Variants in ITM2B observed in about 807,000 individuals in gnomAD.
ITM2B encodes ABri/ADan amyloid peptide.
A neutral mutation model predicts 27.8 loss-of-function variants in ITM2B; 11 were observed. The ratio of observed to expected loss-of-function variants is 0.40; its 90% confidence interval spans 0.25 to 0.66. ITM2B has a LOEUF of 0.66. Among genes scored for constraint, ITM2B ranks in the 30% least tolerant of loss-of-function variants. The pLI, the probability that ITM2B is intolerant of heterozygous loss-of-function variation, is 0.43. For synonymous variants in ITM2B, 114 were observed against 114.3 expected (o/e 1.00, Z 0.02); for missense variants, 296 against 328.9 (o/e 0.90, Z 0.77).
chr13:48,240,873 T>G (rs1329628598), intron 1 of ITM2B, among the ~76,000 whole-genome samples: 1 of 152,252 alleles, frequency 6.6e-6, no homozygotes, highest in Non-Finnish European at 1.5e-5. Context: ...CCAATCAAGC[T>G]GAACATTGTT....
chr13:48,260,600 A>C (rs549717355), intron 5 of ITM2B, among the ~76,000 whole-genome samples: 1 of 151,462 alleles, frequency 6.6e-6, no homozygotes, highest in East Asian at 1.9e-4. Context: ...TCCTATTTAT[A>C]AGTGAGAGCA....
At chr13:48,256,895 G>A (rs1021103667) in intron 3 of ITM2B, among the ~76,000 whole-genome samples, 6 of 151,960 alleles carry the variant, frequency 3.9e-5, no homozygotes, top group Non-Finnish European at 8.8e-5. Context: ...TATCTCTCAA[G>A]AATGAGTTGT....
rs1363483012 is a variant in ITM2B at position 48,265,311 on chromosome 13, A to G, written c.*4087A>G. On this transcript the variant is annotated 3_prime_UTR_variant, in exon 6 of 6. Transcript: ENST00000647800. ...CTAGTTCTTGCCCTAGTGACTAAGC[A>G]GATGCAAACGCCTTCTTCTTTCCAA... 6.6e-6 allele frequency: 1 copy of G among 152,314 alleles called. No individual in the cohort carries two copies. Among genetic ancestry groups the G allele is most frequent in the East Asian group, 1.9e-4 (1 of 5,184 alleles). The allele number at this position is 152,314 out of a possible 1,614,324, so 9.4% of individuals were successfully genotyped here.
At chr13:48,253,966 A>ATTT (rs201823693) in intron 2 of ITM2B, 30 bp downstream of exon 2, 221 of 1,457,744 alleles carry the variant, frequency 1.5e-4, no homozygotes, top group African/African-American at 8.0e-4. Context: ...TGTGTCTCTG[A>ATTT]TTTTTTTTTT....
rs1951872339 is a variant in ITM2B at position 48,269,517 on chromosome 13, A to G, written c.*8293A>G. 2 of 152,216 alleles carry G rather than the reference A, an allele frequency of 1.3e-5. No individual in the cohort carries two copies. The highest frequency in any genetic ancestry group is 2.4e-5 in the African/African-American group (1 of 41,408). 9.4% of individuals were successfully genotyped at this position (152,216 alleles called of 1,614,324 possible). A position where few individuals can be genotyped will look rare whatever the true frequency, so the allele number is the denominator to read the frequency against. On this transcript the variant is annotated 3_prime_UTR_variant, in exon 6 of 6. Coordinates refer to ENST00000647800, the MANE Select transcript of ITM2B (RefSeq NM_021999.5). ...TACCTGTAGGTAATCTAGGCCTCCA[A>G]AGCTCTTCTTACATCACCTCCTGTA... is the stretch of plus-strand genomic sequence containing the variant.
At chr13:48,251,789 C>G (rs1333348880) in intron 1 of ITM2B, among the ~76,000 whole-genome samples, 2 of 152,134 alleles carry the variant, frequency 1.3e-5, no homozygotes, top group Non-Finnish European at 1.5e-5. Flanking sequence ...TCTCCTTCCA[C>G]TCTAAAATTA....
At chr13:48,235,251 C>T (rs1000205858) in intron 1 of ITM2B, among the ~76,000 whole-genome samples, 20 of 152,310 alleles carry the variant, frequency 1.3e-4, no homozygotes, top group African/African-American at 3.8e-4. Context: ...GCCAGATTCT[C>T]AAAATTGCTC....
intron 1 of ITM2B, among the ~76,000 whole-genome samples, chr13:48,235,320 T>A (rs548593357): frequency 6.6e-6 from 1 of 152,336 alleles, no homozygotes; most frequent in Non-Finnish European, 1.5e-5. Context: ...CATTGGTAGC[T>A]CCGTGCTTTG....
In ITM2B at chr13:48,269,769, C is replaced by A. The variant is rs1459503495; in HGVS notation, c.*8545C>A. 6.6e-6 allele frequency: 1 copy of A among 152,268 alleles called. No individual in the cohort carries two copies. Among genetic ancestry groups the A allele is most frequent in the African/African-American group, 2.4e-5 (1 of 41,442 alleles). The allele number at this position is 152,268 out of a possible 1,614,324, so 9.4% of individuals were successfully genotyped here. On this transcript the variant is annotated 3_prime_UTR_variant, in exon 6 of 6. Coordinates refer to ENST00000647800, the MANE Select transcript of ITM2B (RefSeq NM_021999.5). ...CCTGATCACCTTTTCTAAAGTGAGT[C>A]TCACCTCCACCCTCAATGCTGGCAA... is the stretch of plus-strand genomic sequence containing the variant.
chr13:48,248,376 T>C lies in ITM2B; in HGVS notation c.118-5432T>C, dbSNP rs552871593. Among the ~76,000 whole-genome samples the C allele has an allele frequency of 3.7e-4, 56 of 152,226 alleles. 1 individual carries two copies. The South Asian group carries it at 6.9e-3, about 19-fold the overall frequency. The stretch of plus-strand genomic sequence containing the variant: ...GTCTGGAACTCCTGGGCTTGAGCAG[T>C]CCTCCTGCCTCTGCCTCCCAAAGTG... On this transcript the variant is annotated intron_variant, in intron 1 of 5. Transcript: ENST00000647800.
intron 3 of ITM2B, 23 bp downstream of exon 3, chr13:48,256,406 T>C (rs1951789233): frequency 6.5e-7 from 1 of 1,531,492 alleles, no homozygotes. Flanking sequence ...TCCAGAATTG[T>C]AGAAAGAATG....
At chr13:48,256,145 A>G (rs1290958083) in intron 2 of ITM2B, 32 bp from the exon 3 acceptor site, 1 of 1,495,258 alleles carries the variant, frequency 6.7e-7, no homozygotes, top group South Asian at 1.1e-5. Flanking sequence ...CTCATGCTGA[A>G]TTGCTGAAAT....
Position 48,270,295 on chromosome 13 carries a change from T to C in ITM2B, c.*9071T>C, listed in dbSNP as rs1163712369. 1 of 152,212 alleles carries C rather than the reference T, an allele frequency of 6.6e-6. No homozygotes were observed. Among genetic ancestry groups the C allele is most frequent in the African/African-American group, 2.4e-5 (1 of 41,456 alleles). 9.4% of individuals were successfully genotyped at this position (152,212 alleles called of 1,614,324 possible). On this transcript the variant is annotated 3_prime_UTR_variant, in exon 6 of 6. Transcript: ENST00000647800. ...CTATAGTACTTATCACCATCTGACA[T>C]GTATTTATGTTTGTATTTGTTTATT...
At chr13:48,257,656 T>C (rs963384552) in intron 3 of ITM2B, among the ~76,000 whole-genome samples, 14 of 152,222 alleles carry the variant, frequency 9.2e-5, no homozygotes, top group African/African-American at 3.4e-4. Flanking sequence ...AAAACCGTTC[T>C]ATGAGACAGT....
intron 1 of ITM2B, among the ~76,000 whole-genome samples, chr13:48,233,940 C>T (rs1370283974): frequency 3.3e-5 from 5 of 152,170 alleles, no homozygotes; most frequent in African/African-American, 9.7e-5. Flanking sequence ...GCTTGAACAG[C>T]ACTTGGACTA....
chr13:48,253,828 A>C lies in ITM2B; in HGVS notation c.138A>C (p.Pro46=). ...VDCKDPDDVV[P]VGQRRAWCWC... is the part of the protein sequence containing the mutation. Reference sequence around the variant, plus strand: ...TTTAGGACCCAGATGATGTGGTACCAGTTGGCCAAAGAAGAGCCTGGTGTT... The same window carrying C: ...TTTAGGACCCAGATGATGTGGTACCCGTTGGCCAAAGAAGAGCCTGGTGTT... Residue 46 remains proline, a synonymous_variant, in exon 2 of 6, where the codon CCA becomes CCC. Transcript: ENST00000647800. The C allele has an allele frequency of 6.2e-7, 1 of 1,613,934 alleles. No individual in the cohort carries two copies. Among genetic ancestry groups the C allele is most frequent in the Non-Finnish European group, 8.5e-7 (1 of 1,179,792 alleles).
Position 48,256,301 on chromosome 13 carries a change from A to G in ITM2B, c.371A>G (p.Glu124Gly), listed in dbSNP as rs370484810. 8 of 1,613,860 alleles carry G rather than the reference A, an allele frequency of 5.0e-6. No homozygotes were observed. The highest frequency in any genetic ancestry group is 5.9e-6 in the Non-Finnish European group (7 of 1,179,872). ...TIEENIKIFEEEEVEFISVPV... is the reference protein window; with the variant it reads ...TIEENIKIFEGEEVEFISVPV... ...GAAGAAAATATTAAAATCTTTGAAGAAGAAGAAGTTGAATTTATCAGTGTG... is the reference window on the plus strand; with the variant it reads ...GAAGAAAATATTAAAATCTTTGAAGGAGAAGAAGTTGAATTTATCAGTGTG... Residue 124 changes from glutamate to glycine, a missense_variant, in exon 3 of 6, where the codon GAA (glutamate) becomes GGA (glycine). By Grantham distance (98) the Glu-to-Gly change is moderately conservative (BLOSUM62 -2). Coordinates refer to ENST00000647800, the MANE Select transcript of ITM2B (RefSeq NM_021999.5).
At chr13:48,234,937 C>T (rs1175988819) in intron 1 of ITM2B, among the ~76,000 whole-genome samples, 1 of 152,144 alleles carries the variant, frequency 6.6e-6, no homozygotes, top group Non-Finnish European at 1.5e-5. Flanking sequence ...ATCTAACATT[C>T]GTTGTACCTA....
chr13:48,261,406 G>T lies in ITM2B; in HGVS notation c.*182G>T. 1 of 538,206 alleles carries T rather than the reference G, an allele frequency of 1.9e-6. No homozygotes were observed. Among genetic ancestry groups the T allele is most frequent in the South Asian group, 2.5e-5 (1 of 39,582 alleles). 33.3% of individuals were successfully genotyped at this position (538,206 alleles called of 1,614,324 possible). A position where few individuals can be genotyped will look rare whatever the true frequency, so the allele number is the denominator to read the frequency against. On this transcript the variant is annotated 3_prime_UTR_variant, in exon 6 of 6. Coordinates refer to ENST00000647800, the MANE Select transcript of ITM2B (RefSeq NM_021999.5). ...CCTTAAAATTTTTTTCTTTCGAAGT[G>T]TGGTGTCTTTTATATTTGAATTAGT...
Sources: gnomAD v4.1 joint callset for allele counts (sites outside exome capture counted in the v4.1 genomes callset) on GRCh38, gnomAD v4.1.1 for gene constraint, MANE v1.5 for transcripts, NCBI Gene and HGNC (gene_info 2026-07-23, HGNC 2026-07-21) for gene names.